Variants in ZDHHC11B observed in about 807,000 individuals in gnomAD.
ZDHHC11B encodes probable palmitoyltransferase ZDHHC11B.
ZDHHC11B carries 17 observed loss-of-function variants against 42.3 expected under a neutral mutation model. The observed-to-expected ratio is 0.40, with a 90% CI of 0.27 to 0.60. The LOEUF (loss-of-function observed/expected upper bound fraction) is 0.60, where lower values mean the gene tolerates loss of function less well. ZDHHC11B is among the 20% of genes least tolerant of loss of function. The pLI is 0.41. For missense variants in ZDHHC11B, 262 were observed against 463.2 expected (o/e 0.57, Z 3.99); for synonymous variants, 123 against 193.5 (o/e 0.64, Z 3.02).
At chr5:751,800 C>A (rs1345162195) in intron 6 of ZDHHC11B, among the ~76,000 whole-genome samples, 2 of 123,958 alleles carry the variant, frequency 1.6e-5, no homozygotes, top group Non-Finnish European at 3.6e-5. Flanking sequence ...GGGACATTCC[C>A]ACCAGCACAC....
At chr5:718,108 A>G (rs1171903914) in intron 12 of ZDHHC11B, among the ~76,000 whole-genome samples, 4 of 151,904 alleles carry the variant, frequency 2.6e-5, no homozygotes, top group Non-Finnish European at 4.4e-5. Context: ...AATGAAAATA[A>G]AAGCATGGCA....
At chr5:717,197 A>G (rs1282335877) in intron 12 of ZDHHC11B, among the ~76,000 whole-genome samples, 1 of 151,524 alleles carries the variant, frequency 6.6e-6, no homozygotes, top group Non-Finnish European at 1.5e-5. Context: ...TGGGGCCCAC[A>G]GGAGGTCAGC....
chr5:732,884 A>G (rs1206319519), intron 11 of ZDHHC11B, among the ~76,000 whole-genome samples: 1 of 151,822 alleles, frequency 6.6e-6, no homozygotes, highest in Non-Finnish European at 1.5e-5. Flanking sequence ...CCCATCTCTT[A>G]AGAAATAAAA....
intron 12 of ZDHHC11B, among the ~76,000 whole-genome samples, chr5:726,482 G>T (rs536851401): frequency 7.1e-6 from 1 of 140,414 alleles, no homozygotes; most frequent in South Asian, 2.3e-4. Context: ...ATTCAACAAG[G>T]TTAGCTCATT....
rs567358486 is a variant in ZDHHC11B, at chr5:770,498, G to A, written c.-229-1568C>T. Among the ~76,000 whole-genome samples, 10 of 151,334 alleles carry A rather than the reference G, an allele frequency of 6.6e-5. No homozygotes were observed. In the East Asian group the frequency reaches 9.7e-4, roughly 15 times the overall value. ...AGAGCCTATTCCGGGTCCCCTCCCC[G>A]CCGCAGTTCCACTGTCCCTCCTGTG... On this transcript the variant is annotated intron_variant, in intron 1 of 13. Coordinates refer to ENST00000508859, the MANE Select transcript of ZDHHC11B (RefSeq NM_001351303.2).
At chr5:725,163 A>G (rs1742484621) in intron 12 of ZDHHC11B, among the ~76,000 whole-genome samples, 1 of 149,936 alleles carries the variant, frequency 6.7e-6, no homozygotes, top group South Asian at 2.1e-4. Flanking sequence ...GTGAGATCTC[A>G]CTCTCAACTC....
rs558825013 is a variant in ZDHHC11B at position 728,162 on chromosome 5, G to A, written c.1058+2272C>T. Among the ~76,000 whole-genome samples the A allele has an allele frequency of 2.6e-3, 392 of 148,412 alleles. 3 individuals carry two copies. The highest frequency in any genetic ancestry group is 9.1e-3 in the African/African-American group (356 of 39,180). ...AAACAGTAAAAAAGAGAATGACAAT[G>A]TGTTCAGTCTCATTAGTAATAAGGA... On this transcript the variant is annotated intron_variant, in intron 12 of 13. Transcript: ENST00000508859.
At position 777,329 on chromosome 5, in the gene ZDHHC11B, A is replaced by G. The variant is rs1330246068; in HGVS notation, c.-230+7339T>C. Among the ~76,000 whole-genome samples, 3 of 151,758 alleles carry G rather than the reference A, an allele frequency of 2.0e-5. 1 individual carries two copies. Among genetic ancestry groups the G allele is most frequent in the Non-Finnish European group, 4.4e-5 (3 of 67,904 alleles). ...AATTCAGACCTCAGTGGTGAGTGTT[A>G]CTTACGCCTCTCAGAGACAGCGCGT... On this transcript the variant is annotated intron_variant, in intron 1 of 13. Transcript: ENST00000508859.
At chr5:754,615 GT>G (rs1370981001) in intron 6 of ZDHHC11B, among the ~76,000 whole-genome samples, 16 of 108,326 alleles carry the variant, frequency 1.5e-4, no homozygotes, top group Admixed American at 3.1e-4. Flanking sequence ...AACACCTCTC[GT>G]CCATCTGCGC....
chr5:784,309 G>C (rs1158090709), intron 1 of ZDHHC11B, among the ~76,000 whole-genome samples: 2 of 151,900 alleles, frequency 1.3e-5, no homozygotes, highest in South Asian at 4.1e-4. Context: ...GCCCCGGGCT[G>C]GGCAGGGTCT....
At chr5:759,240 C>A (rs1734258461) in intron 4 of ZDHHC11B, among the ~76,000 whole-genome samples, 1 of 151,836 alleles carries the variant, frequency 6.6e-6, no homozygotes, top group Non-Finnish European at 1.5e-5. Flanking sequence ...CGCCGCAGCG[C>A]CAGCCCAGAA....
chr5:784,217 C>A (rs1387023803), intron 1 of ZDHHC11B, among the ~76,000 whole-genome samples: 1 of 151,566 alleles, frequency 6.6e-6, no homozygotes, highest in Non-Finnish European at 1.5e-5. Context: ...CGGGCAGTGG[C>A]TTCATTCCAG....
intron 4 of ZDHHC11B, among the ~76,000 whole-genome samples, chr5:765,308 G>C (rs1735118798): frequency 6.6e-6 from 1 of 151,326 alleles, no homozygotes; most frequent in Non-Finnish European, 1.5e-5. Flanking sequence ...TAATCTGGTG[G>C]GGACTTGGAG....
chr5:731,034 C>T (rs1418287651), intron 11 of ZDHHC11B, among the ~76,000 whole-genome samples: 1 of 151,920 alleles, frequency 6.6e-6, no homozygotes, highest in Admixed American at 6.6e-5. Context: ...CAAAGAAAAA[C>T]ACCTGCTATG....
At chr5:751,414 G>GCAGGGGCATGCGGGGCATGTC (rs1745670680) in intron 6 of ZDHHC11B, among the ~76,000 whole-genome samples, 157 bp from the exon 7 acceptor site, 1 of 64,988 alleles carries the variant, frequency 1.5e-5, no homozygotes, top group African/African-American at 3.7e-5. Context: ...GGGCAGGTGT[G>GCAGGGGCATGCGGGGCATGTC]GGACAGGTGT....
At position 779,355 on chromosome 5, in the gene ZDHHC11B, T is replaced by A. The variant is rs369506680; in HGVS notation, c.-230+5313A>T. ...AATTGTCAGAAGCCTCTGGACACAG[T>A]GACACAGCGGGTGGGACCAGAGGCT... On this transcript the variant is annotated intron_variant, in intron 1 of 13. Transcript: ENST00000508859. Among the ~76,000 whole-genome samples the A allele has an allele frequency of 3.7e-4, 55 of 150,008 alleles. 1 individual carries two copies. The East Asian group carries it at 9.0e-3, about 24-fold the overall frequency.
chr5:718,702 A>AG (rs1741961390), intron 12 of ZDHHC11B, among the ~76,000 whole-genome samples: 1 of 151,080 alleles, frequency 6.6e-6, no homozygotes, highest in African/African-American at 2.4e-5. Context: ...TCTCAAAAAA[A>AG]AAAAAAAAAA....
chr5:756,446 G>A lies in ZDHHC11B; in HGVS notation c.223-302C>T, dbSNP rs1311343494. 4.0e-5 allele frequency among the ~76,000 whole-genome samples: 6 copies of A among 151,860 alleles called. No individual in the cohort carries two copies. In the East Asian group the frequency reaches 5.8e-4, roughly 15 times the overall value. On this transcript the variant is annotated intron_variant, in intron 4 of 13. Coordinates refer to ENST00000508859, the MANE Select transcript of ZDHHC11B (RefSeq NM_001351303.2). ...CCTAGAGAAGATGAGGCTACCCATC[G>A]GCCCTGCACACACAGCCCTGTGCCA... is the stretch of plus-strand genomic sequence containing the variant.
intron 9 of ZDHHC11B, among the ~76,000 whole-genome samples, 190 bp downstream of exon 9, chr5:744,993 T>A (rs1324298489): frequency 8.2e-5 from 12 of 147,144 alleles, no homozygotes; most frequent in African/African-American, 3.0e-4. Context: ...GGTGCATGAC[T>A]GGTGTTTATG....
Sources: allele counts gnomAD v4.1 joint callset (sites outside exome capture counted in the v4.1 genomes callset), GRCh38; gene constraint gnomAD v4.1.1; transcripts MANE v1.5; gene names NCBI Gene and HGNC (gene_info 2026-07-23, HGNC 2026-07-21).